The following DCC variants were observed in gnomAD, a reference collection of about 807,000 sequenced individuals.
DCC encodes the protein DCC netrin 1 receptor.
DCC carries 58 observed loss-of-function variants against 172.5 expected under a neutral mutation model. That is an observed-to-expected ratio of 0.34 (90% confidence interval 0.27 to 0.42). The LOEUF is 0.42. DCC is among the 10% of genes least tolerant of loss of function. DCC has a pLI of 1.00. For synonymous variants in DCC, 709 were observed against 644.5 expected (o/e 1.10, Z -1.52); for missense variants, 1,740 against 1,791.0 (o/e 0.97, Z 0.51).
chr18:52,825,130 T>C (rs539348368), intron 2 of DCC, among the ~76,000 whole-genome samples: 46 of 152,086 alleles, frequency 3.0e-4, no homozygotes, highest in Admixed American at 1.8e-3. Context: ...TAGACAGATG[T>C]TTCTTTAAGT....
chr18:53,412,089 C>T (rs1042057738), intron 20 of DCC, among the ~76,000 whole-genome samples: 2 of 152,078 alleles, frequency 1.3e-5, no homozygotes, highest in African/African-American at 4.8e-5. Context: ...ATAGCCATCC[C>T]AGGAATTGTT....
At chr18:53,296,147 G>A (rs1476146776) in intron 12 of DCC, among the ~76,000 whole-genome samples, 1 of 152,082 alleles carries the variant, frequency 6.6e-6, no homozygotes, top group African/African-American at 2.4e-5. Context: ...CAAATAAGTA[G>A]GTCCATATTC....
intron 1 of DCC, among the ~76,000 whole-genome samples, chr18:52,495,902 G>C (rs1373894749): frequency 6.6e-6 from 1 of 151,984 alleles, no homozygotes; most frequent in East Asian, 1.9e-4. Flanking sequence ...CAAAGAATTA[G>C]ATCTCTGTAG....
chr18:53,410,748 A>G, intron 20 of DCC, 102 bp downstream of exon 20: 1 of 772,436 alleles, frequency 1.3e-6, no homozygotes, highest in Non-Finnish European at 2.3e-6. Context: ...TCTATTAGCA[A>G]CATGGCTGCA....
At chr18:53,244,020 T>G (rs1051113873) in intron 12 of DCC, among the ~76,000 whole-genome samples, 4 of 152,130 alleles carry the variant, frequency 2.6e-5, no homozygotes, top group African/African-American at 7.2e-5. Context: ...AAATATGAGT[T>G]TGCTTCTGCA....
intron 2 of DCC, among the ~76,000 whole-genome samples, chr18:52,831,440 C>A (rs2038611911): frequency 6.6e-6 from 1 of 152,068 alleles, no homozygotes; most frequent in African/African-American, 2.4e-5. Flanking sequence ...TGCAGGGAAG[C>A]CAGTTAAGCT....
chr18:53,038,050 G>C lies in DCC; in HGVS notation c.986-25255G>C, dbSNP rs144676058. On this transcript the variant is annotated intron_variant, in intron 5 of 28. Coordinates refer to ENST00000442544, the MANE Select transcript of DCC (RefSeq NM_005215.4). ...ACAGTCTCAAATGCAAAACCAACAGGTACATTTGAGATTATTACCAATATT... is the reference window on the plus strand; with the variant it reads ...ACAGTCTCAAATGCAAAACCAACAGCTACATTTGAGATTATTACCAATATT... 5.4e-3 allele frequency among the ~76,000 whole-genome samples: 822 copies of C among 151,918 alleles called. 8 individuals carry two copies. Among genetic ancestry groups the C allele is most frequent in the Middle Eastern group, 0.017 (5 of 294 alleles).
chr18:53,242,171 A>T (rs2144639872), intron 12 of DCC, among the ~76,000 whole-genome samples: 1 of 152,282 alleles, frequency 6.6e-6, no homozygotes, highest in African/African-American at 2.4e-5. Context: ...CTGGTAACAA[A>T]GGGAAACTAC....
In DCC at chr18:53,276,596, A is replaced by T. The variant is rs372444873; in HGVS notation, c.1912-28982A>T. Among the ~76,000 whole-genome samples the T allele has an allele frequency of 2.6e-5, 4 of 152,202 alleles. No individual in the cohort carries two copies. The East Asian group carries it at 7.7e-4, about 29-fold the overall frequency. On this transcript the variant is annotated intron_variant, in intron 12 of 28. Transcript: ENST00000442544. Reference sequence around the variant, plus strand: ...GGGCTAGCTGGAATTTATTAATGTGACTTGAGAGATGTTTAAAGCTGAACC... The same window carrying T: ...GGGCTAGCTGGAATTTATTAATGTGTCTTGAGAGATGTTTAAAGCTGAACC...
At chr18:52,653,184 T>G (rs936132898) in intron 1 of DCC, among the ~76,000 whole-genome samples, 1 of 152,174 alleles carries the variant, frequency 6.6e-6, no homozygotes, top group African/African-American at 2.4e-5. Context: ...GCATATTGTA[T>G]CACAGACATT....
chr18:53,074,948 A>G (rs1461090185), intron 7 of DCC, among the ~76,000 whole-genome samples: 2 of 152,214 alleles, frequency 1.3e-5, no homozygotes, highest in African/African-American at 2.4e-5. Context: ...AGTGCAATAA[A>G]TGTTTGTAAA....
chr18:53,295,973 C>A (rs530888115), intron 12 of DCC, among the ~76,000 whole-genome samples: 1 of 152,200 alleles, frequency 6.6e-6, no homozygotes, highest in South Asian at 2.1e-4. Flanking sequence ...CCCGGAGGTT[C>A]TATTTGGTAC....
chr18:52,909,411 GC>G (rs935704045), intron 3 of DCC, among the ~76,000 whole-genome samples: 46 of 152,150 alleles, frequency 3.0e-4, no homozygotes, highest in African/African-American at 1.1e-3. Flanking sequence ...TTTATATCTT[GC>G]TTTAGTTTGA....
intron 22 of DCC, among the ~76,000 whole-genome samples, chr18:53,441,487 G>A (rs182097186): frequency 6.6e-6 from 1 of 152,042 alleles, no homozygotes; most frequent in East Asian, 1.9e-4. Context: ...TCTCCACCCC[G>A]ACGTATTCAA....
intron 18 of DCC, among the ~76,000 whole-genome samples, chr18:53,400,272 A>G (rs16956674): frequency 0.75 from 113,759 of 151,804 alleles, 44,134 homozygotes; most frequent in Non-Finnish European, 0.86. Flanking sequence ...ACTTCCAAAG[A>G]ATGGAAAACT....
At chr18:53,497,475 A>T (rs923569123) in intron 26 of DCC, among the ~76,000 whole-genome samples, 1 of 152,198 alleles carries the variant, frequency 6.6e-6, no homozygotes, top group Admixed American at 6.5e-5. Context: ...AGAGGACTTG[A>T]TGTCATCTCT....
intron 27 of DCC, among the ~76,000 whole-genome samples, chr18:53,514,214 C>A (rs1328055172): frequency 6.6e-6 from 1 of 151,944 alleles, no homozygotes; most frequent in Non-Finnish European, 1.5e-5. Flanking sequence ...GGGTACATAA[C>A]GAAATGAAGG....
chr18:52,540,278 A>T (rs557498343), intron 1 of DCC, among the ~76,000 whole-genome samples: 10 of 152,116 alleles, frequency 6.6e-5, no homozygotes, highest in South Asian at 2.1e-4. Context: ...TCTAAAAAAA[A>T]TTTTTTTAAA....
At chr18:52,502,309 T>C (rs2031052396) in intron 1 of DCC, among the ~76,000 whole-genome samples, 1 of 152,202 alleles carries the variant, frequency 6.6e-6, no homozygotes, top group Non-Finnish European at 1.5e-5. Context: ...ATATTGACTA[T>C]ATCTCAAAGG....
Sources: allele counts gnomAD v4.1 joint callset (sites outside exome capture counted in the v4.1 genomes callset), GRCh38; gene constraint gnomAD v4.1.1; transcripts MANE v1.5; gene names NCBI Gene and HGNC (gene_info 2026-07-23, HGNC 2026-07-21).